Variants in PPP1R12A observed in about 807,000 individuals in gnomAD.
PPP1R12A encodes protein phosphatase 1 regulatory subunit 12A, also known as myosin binding subunit.
A neutral mutation model predicts 139.6 loss-of-function variants in PPP1R12A; 19 were observed. The ratio of observed to expected loss-of-function variants is 0.14; its 90% CI spans 0.09 to 0.20. The LOEUF (loss-of-function observed/expected upper bound fraction) is 0.20. PPP1R12A is among the 10% of genes least tolerant of loss of function. The probability of loss-of-function intolerance (pLI) is 1.00; values close to 1 mark genes in which losing one functional copy is unlikely to be tolerated. For missense variants in PPP1R12A, 925 were observed against 1,211.5 expected (o/e 0.76, Z 3.51); for synonymous variants, 427 against 420.6 (o/e 1.02, Z -0.19).
chr12:79,922,008 T>A (rs573070816), intron 1 of PPP1R12A, among the ~76,000 whole-genome samples: 1 of 152,210 alleles, frequency 6.6e-6, no homozygotes, highest in African/African-American at 2.4e-5. Context: ...CCAAGCACTT[T>A]GGGATGCCAA....
At chr12:79,876,562 G>A (rs999759975) in intron 1 of PPP1R12A, among the ~76,000 whole-genome samples, 2 of 152,134 alleles carry the variant, frequency 1.3e-5, no homozygotes, top group Admixed American at 1.3e-4. Context: ...GCTTTCCACA[G>A]ATGTTCCTAG....
intron 22 of PPP1R12A, among the ~76,000 whole-genome samples, chr12:79,783,222 CT>C (rs377092995): frequency 3.4e-5 from 5 of 148,300 alleles, no homozygotes; most frequent in African/African-American, 1.3e-4. Flanking sequence ...CTTTGTGAGG[CT>C]GAGATGGGCA....
rs1306320810 is a variant in PPP1R12A, at chr12:79,913,465, C to A, written c.237+21230G>T. Among the ~76,000 whole-genome samples the A allele has an allele frequency of 3.9e-5, 6 of 152,286 alleles. No individual in the cohort carries two copies. The East Asian group carries it at 1.2e-3, about 29-fold the overall frequency. ...TTTTCCCCACTTTTCTGAAATGCCA[C>A]CTTTATCATAAATCAAGTGTCCATA... On this transcript the variant is annotated intron_variant, in intron 1 of 24. Transcript: ENST00000450142.
chr12:79,873,843 T>C (rs892337485), intron 1 of PPP1R12A, among the ~76,000 whole-genome samples: 1 of 152,216 alleles, frequency 6.6e-6, no homozygotes, highest in Non-Finnish European at 1.5e-5. Flanking sequence ...AAAGCACTTG[T>C]GACATTGAGA....
intron 2 of PPP1R12A, among the ~76,000 whole-genome samples, chr12:79,851,854 T>C (rs1012874317): frequency 5.9e-5 from 9 of 152,200 alleles, no homozygotes; most frequent in African/African-American, 2.2e-4. Context: ...GCAATTTGTA[T>C]TGTTCTATCA....
chr12:79,832,132 A>G (rs569579948), intron 4 of PPP1R12A, among the ~76,000 whole-genome samples, 200 bp downstream of exon 4: 54 of 152,350 alleles, frequency 3.5e-4, no homozygotes, highest in Non-Finnish European at 6.8e-4. Context: ...ATTAAAAAAT[A>G]GTAATAATTA....
chr12:79,917,461 G>A (rs1405934453), intron 1 of PPP1R12A, among the ~76,000 whole-genome samples: 1 of 140,180 alleles, frequency 7.1e-6, no homozygotes, highest in African/African-American at 2.7e-5. Flanking sequence ...CTCCAGCCTG[G>A]TGACGGAGCG....
intron 1 of PPP1R12A, among the ~76,000 whole-genome samples, chr12:79,896,290 G>T (rs942083395): frequency 1.3e-5 from 2 of 151,686 alleles, no homozygotes; most frequent in African/African-American, 4.8e-5. Context: ...ATAAACCTAG[G>T]CCTTTATATA....
Position 79,845,506 on chromosome 12 carries a change from T to C in PPP1R12A, c.369-86A>G, listed in dbSNP as rs184745417. The C allele has an allele frequency of 2.0e-4, 198 of 993,696 alleles. 3 individuals are homozygous for C. In the African/African-American group the frequency reaches 2.8e-3, roughly 14 times the overall value. The allele number at this position is 993,696 out of a possible 1,614,324, so 61.6% of individuals were successfully genotyped here. A position where few individuals can be genotyped will look rare whatever the true frequency, so the allele number is the denominator to read the frequency against. On this transcript the variant is annotated intron_variant, in intron 2 of 24. Transcript: ENST00000450142. ...GCATAACCAATGAGGAAAGTTCCTA[T>C]ATAAAGCAGCAATAAAGGGCAGTAT...
At chr12:79,846,716 A>ACC (rs1415968794) in intron 2 of PPP1R12A, among the ~76,000 whole-genome samples, 1 of 150,980 alleles carries the variant, frequency 6.6e-6, no homozygotes, top group African/African-American at 2.4e-5. Flanking sequence ...GGAGTGAGCC[A>ACC]CCACGCCTGG....
intron 23 of PPP1R12A, chr12:79,779,116 G>A (rs1870100219): frequency 2.8e-6 from 1 of 353,244 alleles, no homozygotes; most frequent in African/African-American, 2.1e-5. Context: ...TTGACATTAT[G>A]TGTAGCATTA....
chr12:79,815,283 T>C (rs761430204), intron 9 of PPP1R12A, among the ~76,000 whole-genome samples: 1 of 152,204 alleles, frequency 6.6e-6, no homozygotes, highest in Non-Finnish European at 1.5e-5. Flanking sequence ...CTCACGCCTG[T>C]AACCCCAGTA....
intron 1 of PPP1R12A, among the ~76,000 whole-genome samples, chr12:79,900,356 G>C (rs1234106258): frequency 6.6e-6 from 1 of 152,140 alleles, no homozygotes; most frequent in Non-Finnish European, 1.5e-5. Context: ...CAGCAAATAA[G>C]CTCCATGTAA....
At chr12:79,796,652 C>T in intron 17 of PPP1R12A, 130 bp downstream of exon 17, 2 of 686,832 alleles carry the variant, frequency 2.9e-6, no homozygotes, top group Non-Finnish European at 4.5e-6. Context: ...CCTTCATATT[C>T]TTTCTGTTTA....
chr12:79,846,842 T>G (rs1879474282), intron 2 of PPP1R12A, among the ~76,000 whole-genome samples: 1 of 152,062 alleles, frequency 6.6e-6, no homozygotes, highest in South Asian at 2.1e-4. Context: ...AGCCTCCTCC[T>G]TCTTCCGGCA....
At chr12:79,874,269 G>A (rs1256252747) in intron 1 of PPP1R12A, among the ~76,000 whole-genome samples, 8 of 145,402 alleles carry the variant, frequency 5.5e-5, no homozygotes, top group African/African-American at 1.0e-4. Context: ...GCAAGACTCC[G>A]TCTCCAAAAA....
chr12:79,859,006 G>A (rs142626494), intron 2 of PPP1R12A, among the ~76,000 whole-genome samples: 37 of 152,150 alleles, frequency 2.4e-4, no homozygotes, highest in African/African-American at 8.4e-4. Context: ...CGATCACTGC[G>A]GCTACTGTGA....
At chr12:79,827,547 C>T (rs1876941548) in intron 5 of PPP1R12A, among the ~76,000 whole-genome samples, 1 of 152,072 alleles carries the variant, frequency 6.6e-6, no homozygotes, top group African/African-American at 2.4e-5. Context: ...TACCTACCAA[C>T]ACAGAGTAGG....
At chr12:79,878,657 A>C (rs1327871872) in intron 1 of PPP1R12A, among the ~76,000 whole-genome samples, 5 of 152,130 alleles carry the variant, frequency 3.3e-5, no homozygotes, top group African/African-American at 1.2e-4. Flanking sequence ...AGGAGAAGCA[A>C]ACACCTCCTC....
Sources: allele counts gnomAD v4.1 joint callset (sites outside exome capture counted in the v4.1 genomes callset), GRCh38; gene constraint gnomAD v4.1.1; transcripts MANE v1.5; gene names NCBI Gene and HGNC (gene_info 2026-07-23, HGNC 2026-07-21).